FARP1: variants seen among roughly 807,000 people sequenced by gnomAD.
FARP1 encodes the protein FERM, ARHGEF and pleckstrin domain-containing protein 1.
FARP1 carries 52 observed loss-of-function variants against 128.8 expected under a neutral mutation model. The observed-to-expected ratio is 0.40, with a 90% CI of 0.32 to 0.51. The LOEUF (loss-of-function observed/expected upper bound fraction) is 0.51. Among genes scored for constraint, FARP1 ranks in the 20% least tolerant of loss-of-function variants. FARP1 has a pLI of 0.45. For missense variants in FARP1, 1,333 were observed against 1,367.9 expected, an observed-to-expected ratio of 0.97 and a Z score of 0.40; for synonymous variants, 580 against 551.8, an observed-to-expected ratio of 1.05 and a Z score of -0.72.
chr13:98,192,324 T>C (rs1337331154), intron 1 of FARP1, among the ~76,000 whole-genome samples: 1 of 152,168 alleles, frequency 6.6e-6, no homozygotes. Flanking sequence ...TTTATGGTAT[T>C]GGTCCACATT....
chr13:98,435,744 G>A, intron 19 of FARP1, 38 bp downstream of exon 19: 1 of 1,608,906 alleles, frequency 6.2e-7, no homozygotes, highest in Non-Finnish European at 8.5e-7. Flanking sequence ...TGCGCGGGGA[G>A]CAGAAAGGAG....
At chr13:98,352,435 G>A (rs182062891) in intron 3 of FARP1, among the ~76,000 whole-genome samples, 39 of 152,264 alleles carry the variant, frequency 2.6e-4, no homozygotes, top group Non-Finnish European at 2.9e-5. Flanking sequence ...TACTGAGAGG[G>A]GAGCCCATAT....
chr13:98,211,174 T>C (rs1041729036), intron 1 of FARP1, among the ~76,000 whole-genome samples: 7 of 152,190 alleles, frequency 4.6e-5, no homozygotes, highest in African/African-American at 1.7e-4. Flanking sequence ...TGAAGTCCTC[T>C]AAAGGAGGGG....
At chr13:98,165,709 G>GTTTT (rs1566685742) in intron 1 of FARP1, among the ~76,000 whole-genome samples, 5 of 102,466 alleles carry the variant, frequency 4.9e-5, no homozygotes, top group Admixed American at 1.1e-4. Context: ...TTCCAGAAGG[G>GTTTT]GTTTTTTTTT....
intron 1 of FARP1, among the ~76,000 whole-genome samples, chr13:98,146,767 G>T (rs2139073076): frequency 6.6e-6 from 1 of 152,340 alleles, no homozygotes; most frequent in Non-Finnish European, 1.5e-5. Flanking sequence ...GGGAGGCTGT[G>T]GGGTTTTAGG....
chr13:98,341,994 A>G (rs1424265805), intron 2 of FARP1, among the ~76,000 whole-genome samples: 1 of 152,242 alleles, frequency 6.6e-6, no homozygotes, highest in East Asian at 1.9e-4. Context: ...TAGGTACTAA[A>G]CCATCTATAA....
intron 2 of FARP1, among the ~76,000 whole-genome samples, chr13:98,342,139 C>G (rs1006542242): frequency 1.3e-5 from 2 of 152,172 alleles, no homozygotes; most frequent in African/African-American, 4.8e-5. Flanking sequence ...CGATGAGATA[C>G]TGCACAGAGT....
chr13:98,424,689 A>G (rs373207279), intron 17 of FARP1, 39 bp downstream of exon 17: 99 of 1,423,772 alleles, frequency 7.0e-5, no homozygotes, highest in Non-Finnish European at 9.2e-5. Flanking sequence ...AGGTTCACCA[A>G]GGAGAATCGA....
intron 1 of FARP1, chr13:98,159,605 G>C (rs551693613): frequency 6.6e-6 from 1 of 152,036 alleles, no homozygotes; most frequent in Non-Finnish European, 1.5e-5. Flanking sequence ...CCAGGTAGCT[G>C]GGATTACAGG....
chr13:98,265,557 G>A (rs1281506597), intron 2 of FARP1, among the ~76,000 whole-genome samples: 1 of 151,404 alleles, frequency 6.6e-6, no homozygotes, highest in African/African-American at 2.4e-5. Flanking sequence ...CTGACCTCGT[G>A]ATCCGCCCGC....
chr13:98,377,308 A>T (rs1243771137), intron 5 of FARP1, among the ~76,000 whole-genome samples: 1 of 151,932 alleles, frequency 6.6e-6, no homozygotes, highest in Non-Finnish European at 1.5e-5. Context: ...CTCAAAAAAA[A>T]AAAAAAGAAA....
chr13:98,354,049 T>C (rs1242272047), intron 3 of FARP1, among the ~76,000 whole-genome samples: 1 of 152,224 alleles, frequency 6.6e-6, no homozygotes, highest in Non-Finnish European at 1.5e-5. Context: ...TTGTAGATAT[T>C]AAAGCTTCCC....
At position 98,293,133 on chromosome 13, in the gene FARP1, A is replaced by G. The variant is rs73558558; in HGVS notation, c.172-50629A>G. 4.1e-3 allele frequency among the ~76,000 whole-genome samples: 623 copies of G among 152,250 alleles called. 4 individuals are homozygous for G. The highest frequency in any genetic ancestry group is 0.014 in the African/African-American group (597 of 41,548). The stretch of plus-strand genomic sequence containing the variant: ...GATGGACGAATCTTTTCTTAACTCA[A>G]TGGTGGATGACTGACATTGCCCTAT... On this transcript the variant is annotated intron_variant, in intron 2 of 26. Transcript: ENST00000319562.
chr13:98,165,164 G>A (rs1216286557), intron 1 of FARP1, among the ~76,000 whole-genome samples: 2 of 135,136 alleles, frequency 1.5e-5, no homozygotes, highest in African/African-American at 5.4e-5. Flanking sequence ...GCAGTGAGCC[G>A]AGATTGAGCC....
intron 5 of FARP1, among the ~76,000 whole-genome samples, chr13:98,377,489 G>A (rs1398604951): frequency 2.0e-5 from 3 of 151,910 alleles, no homozygotes; most frequent in African/African-American, 4.8e-5. Flanking sequence ...TTAGAGTATG[G>A]ATGACTGATT....
intron 1 of FARP1, chr13:98,204,230 G>GTCTT (rs1196305416): frequency 6.6e-6 from 1 of 152,202 alleles, no homozygotes; most frequent in Admixed American, 6.5e-5. Flanking sequence ...GTTATTGTCT[G>GTCTT]TCTTTTTTGT....
intron 2 of FARP1, among the ~76,000 whole-genome samples, chr13:98,284,648 G>GTATA (rs1555333911): frequency 1.4e-4 from 1 of 7,090 alleles, no homozygotes; most frequent in Admixed American, 2.1e-3. Flanking sequence ...CCAGTCTCAA[G>GTATA]TATCTGAGTT....
chr13:98,196,644 T>C (rs561470283), intron 1 of FARP1, among the ~76,000 whole-genome samples: 1 of 152,158 alleles, frequency 6.6e-6, no homozygotes, highest in Non-Finnish European at 1.5e-5. Flanking sequence ...GAACCAGGCC[T>C]CTCTTGGCTA....
chr13:98,446,490 T>C lies in FARP1; in HGVS notation c.2905-176T>C, dbSNP rs1892843981. The C allele has an allele frequency of 4.5e-6, 3 of 660,140 alleles. No homozygotes were observed. The Admixed American group carries it at 8.5e-5, about 19-fold the overall frequency. 40.9% of individuals were successfully genotyped at this position (660,140 alleles called of 1,614,324 possible). On this transcript the variant is annotated intron_variant, in intron 25 of 26. Transcript: ENST00000319562. The stretch of plus-strand genomic sequence containing the variant: ...ATCTACAGCTCAGTCCTGGCGGGAC[T>C]TGCCACCCGGGCCATCACGTACAGG...
Sources: allele counts gnomAD v4.1 joint callset (sites outside exome capture counted in the v4.1 genomes callset), GRCh38; gene constraint gnomAD v4.1.1; transcripts MANE v1.5; gene names NCBI Gene and HGNC (gene_info 2026-07-23, HGNC 2026-07-21).